The following PTPRG variants were observed in gnomAD, a reference collection of about 807,000 sequenced individuals.
PTPRG encodes the protein protein tyrosine phosphatase receptor type G.
A neutral mutation model predicts 165.3 loss-of-function variants in PTPRG; 102 were observed. That is an observed-to-expected ratio of 0.62 (90% confidence interval 0.53 to 0.73). The LOEUF is 0.73. Among genes scored for constraint, PTPRG ranks in the 30% least tolerant of loss-of-function variants. The pLI is 0.00. For synonymous variants in PTPRG, 675 were observed against 669.5 expected (o/e 1.01, Z -0.13); for missense variants, 1,866 against 1,861.4 (o/e 1.00, Z -0.05).
chr3:61,644,914 G>A (rs1702160698), intron 1 of PTPRG, among the ~76,000 whole-genome samples: 1 of 152,198 alleles, frequency 6.6e-6, no homozygotes, highest in African/African-American at 2.4e-5. Flanking sequence ...TTGCTTTATG[G>A]TCGACATAAC....
At chr3:62,206,524 G>A (rs1277052096) in intron 12 of PTPRG, among the ~76,000 whole-genome samples, 5 of 152,164 alleles carry the variant, frequency 3.3e-5, no homozygotes, top group African/African-American at 4.8e-5. Context: ...GGAGCTGTCA[G>A]CAGCCCAGGT....
intron 1 of PTPRG, among the ~76,000 whole-genome samples, chr3:61,624,586 G>T (rs1458980820): frequency 6.6e-6 from 1 of 152,146 alleles, no homozygotes; most frequent in Non-Finnish European, 1.5e-5. Context: ...ATTAATACCT[G>T]CAGACTTCTT....
At chr3:61,706,500 T>C (rs2031265426) in intron 1 of PTPRG, among the ~76,000 whole-genome samples, 1 of 151,808 alleles carries the variant, frequency 6.6e-6, no homozygotes, top group African/African-American at 2.4e-5. Flanking sequence ...AATTTTTTTT[T>C]TTTTTTTTTC....
At chr3:62,073,831 G>C (rs1179796232) in intron 4 of PTPRG, among the ~76,000 whole-genome samples, 1 of 152,142 alleles carries the variant, frequency 6.6e-6, no homozygotes, top group African/African-American at 2.4e-5. Flanking sequence ...CCAACTGTCA[G>C]AGTAAAGAAA....
intron 2 of PTPRG, among the ~76,000 whole-genome samples, chr3:61,980,433 T>A (rs563525349): frequency 5.3e-5 from 8 of 152,258 alleles, no homozygotes; most frequent in African/African-American, 1.9e-4. Flanking sequence ...CTAAATGAGA[T>A]CTTTAAAACC....
intron 7 of PTPRG, among the ~76,000 whole-genome samples, chr3:62,158,877 A>G (rs183335559): frequency 2.8e-4 from 43 of 152,290 alleles, no homozygotes; most frequent in African/African-American, 1.0e-3. Flanking sequence ...ATAATGAAAT[A>G]AGAAATGAGT....
At chr3:61,631,621 A>G (rs2106929335) in intron 1 of PTPRG, among the ~76,000 whole-genome samples, 1 of 152,280 alleles carries the variant, frequency 6.6e-6, no homozygotes, top group East Asian at 1.9e-4. Flanking sequence ...TCTGCTTTAT[A>G]TTATTTTCCA....
rs578144650 is a variant in PTPRG at position 61,842,217 on chromosome 3, T to A, written c.190+93235T>A. ...GGTTAGCAACCTCCTCCTTCAAATATCACAATTCTATGTGCATCCATCACT... is the reference window on the plus strand; with the variant it reads ...GGTTAGCAACCTCCTCCTTCAAATAACACAATTCTATGTGCATCCATCACT... On this transcript the variant is annotated intron_variant, in intron 2 of 29. Coordinates refer to ENST00000474889, the MANE Select transcript of PTPRG (RefSeq NM_002841.4). 3.3e-5 allele frequency among the ~76,000 whole-genome samples: 5 copies of A among 152,292 alleles called. No homozygotes were observed. The South Asian group carries it at 1.0e-3, about 32-fold the overall frequency.
chr3:62,127,877 C>T (rs1450026066), intron 5 of PTPRG, among the ~76,000 whole-genome samples: 32 of 152,120 alleles, frequency 2.1e-4, no homozygotes, highest in Middle Eastern at 3.2e-3. Flanking sequence ...TGTAGAGCCT[C>T]CAGGTAAACA....
chr3:62,024,953 T>A (rs1220846846), intron 4 of PTPRG, among the ~76,000 whole-genome samples: 1 of 152,226 alleles, frequency 6.6e-6, no homozygotes, highest in Non-Finnish European at 1.5e-5. Flanking sequence ...AGCAGGTTGC[T>A]GCCTCTGTTG....
intron 2 of PTPRG, among the ~76,000 whole-genome samples, chr3:61,842,712 A>G (rs1404412561): frequency 6.6e-6 from 1 of 151,732 alleles, no homozygotes; most frequent in Non-Finnish European, 1.5e-5. Context: ...AAGAAAAAGA[A>G]AAAGCCAATG....
At chr3:62,125,015 C>T (rs955342063) in intron 5 of PTPRG, among the ~76,000 whole-genome samples, 16 of 152,170 alleles carry the variant, frequency 1.1e-4, no homozygotes, top group Non-Finnish European at 1.6e-4. Flanking sequence ...TCACAGTCTG[C>T]AGTAGAATTC....
chr3:62,065,231 AT>A (rs984590966), intron 4 of PTPRG, among the ~76,000 whole-genome samples: 1 of 151,944 alleles, frequency 6.6e-6, no homozygotes, highest in Non-Finnish European at 1.5e-5. Context: ...TAGAGGAGGG[AT>A]TTTTTGCTCA....
intron 1 of PTPRG, among the ~76,000 whole-genome samples, chr3:61,641,758 G>T (rs148364676): frequency 9.9e-5 from 15 of 152,276 alleles, no homozygotes; most frequent in African/African-American, 3.4e-4. Flanking sequence ...GAAGGAGTGG[G>T]CCCAAATCTA....
intron 2 of PTPRG, among the ~76,000 whole-genome samples, chr3:61,875,840 G>A (rs657653): frequency 0.16 from 23,691 of 152,014 alleles, 1,854 homozygotes; most frequent in Middle Eastern, 0.19. Context: ...ATGAGGTATA[G>A]GCTGCACTCC....
At chr3:62,073,140 A>T (rs1458663303) in intron 4 of PTPRG, among the ~76,000 whole-genome samples, 1 of 152,234 alleles carries the variant, frequency 6.6e-6, no homozygotes, top group African/African-American at 2.4e-5. Context: ...ACAAGTCCAT[A>T]TGGATGTAAA....
chr3:61,789,411 A>G (rs1326679303), intron 2 of PTPRG, among the ~76,000 whole-genome samples: 2 of 152,174 alleles, frequency 1.3e-5, no homozygotes, highest in Non-Finnish European at 2.9e-5. Context: ...CCTAGCCTCT[A>G]GTTTCTTATA....
At chr3:61,924,827 G>T (rs143106557) in intron 2 of PTPRG, among the ~76,000 whole-genome samples, 1,575 of 152,304 alleles carry the variant, frequency 0.01, 32 homozygotes, top group African/African-American at 0.032. Context: ...TGTTTCTGTT[G>T]CTCTGAAATT....
In PTPRG at chr3:61,944,418, T is replaced by C. The variant is rs150300622; in HGVS notation, c.191-45207T>C. On this transcript the variant is annotated intron_variant, in intron 2 of 29. Transcript: ENST00000474889. Reference sequence around the variant, plus strand: ...TTGTACAGCAGGTGGACACCGTGCTTCCATCGTCTTCCTCATTTCCCCTAG... The same window carrying C: ...TTGTACAGCAGGTGGACACCGTGCTCCCATCGTCTTCCTCATTTCCCCTAG... Among the ~76,000 whole-genome samples, 513 of 152,300 alleles carry C rather than the reference T, an allele frequency of 3.4e-3. 1 individual carries two copies. Among genetic ancestry groups the C allele is most frequent in the African/African-American group, 0.012 (496 of 41,564 alleles).
Sources: allele counts gnomAD v4.1 joint callset (sites outside exome capture counted in the v4.1 genomes callset), GRCh38; gene constraint gnomAD v4.1.1; transcripts MANE v1.5; gene names NCBI Gene and HGNC (gene_info 2026-07-23, HGNC 2026-07-21).